Variants in MPG observed in about 807,000 individuals in gnomAD.
The protein encoded by MPG is DNA-3-methyladenine glycosylase.
A neutral mutation model predicts 31.7 loss-of-function variants in MPG; 33 were observed. That is an observed-to-expected ratio of 1.04 (90% CI 0.79 to 1.39). MPG has a LOEUF of 1.39. Ranked by LOEUF, MPG falls within the 40% of genes most tolerant of loss-of-function variation. The pLI is 0.00. For missense variants in MPG, 455 were observed against 415.5 expected, an observed-to-expected ratio of 1.10 and a Z score of -0.83; for synonymous variants, 202 against 169.2, an observed-to-expected ratio of 1.19 and a Z score of -1.51.
upstream of MPG, chr16:78,166 G>A: frequency 1.6e-6 from 1 of 639,678 alleles, no homozygotes; most frequent in African/African-American, 1.9e-5. Context: ...AGTTCCCGGC[G>A]CTCACTGCCC....
Position 79,576 on chromosome 16 carries a change from C to T in MPG, c.176C>T (p.Pro59Leu), listed in dbSNP as rs2308315. Residue 59 changes from proline to leucine, a missense_variant, in exon 2 of 4, where the codon CCG becomes CTG. Pro to Leu is a moderately conservative substitution (Grantham distance 98, BLOSUM62 -3). Coordinates refer to ENST00000356432, the MANE Select transcript of MPG (RefSeq NM_001015052.3). ...TGCCCCAGGGAGCGCTGCTTGGGAC[C>T]GCCCACCACTCCGGGCCCATACCGC... is the stretch of plus-strand genomic sequence containing the variant. Reference protein sequence around the residue: ...APCPRERCLGPPTTPGPYRSI... With the variant: ...APCPRERCLGLPTTPGPYRSI... The T allele has an allele frequency of 1.1e-5, 17 of 1,611,576 alleles. No individual in the cohort carries two copies. The highest frequency in any genetic ancestry group is 9.3e-5 in the African/African-American group (7 of 74,902).
At chr16:82,454 C>T (rs1037546767) in intron 2 of MPG, among the ~76,000 whole-genome samples, 13 of 152,226 alleles carry the variant, frequency 8.5e-5, no homozygotes, top group Admixed American at 2.6e-4. Flanking sequence ...AGCAGTGACA[C>T]AACTGTTGGC....
rs754788806 is a variant in MPG at position 79,535 on chromosome 16, T to C, written c.135T>C (p.Asp45=). ...CAGAGCAGCCACACAGCTCGTCCGA[T>C]GCAGCCCAGGCACCTTGCCCCAGGG... The part of the protein sequence containing the change: ...APAEQPHSSS[D]AAQAPCPRER... The change falls in exon 2 of 4, where the codon GAT becomes GAC. Residue 45 remains aspartate (D), a synonymous_variant. Coordinates refer to ENST00000356432, the MANE Select transcript of MPG (RefSeq NM_001015052.3). The C allele has an allele frequency of 2.5e-6, 4 of 1,612,768 alleles. No homozygotes were observed. The highest frequency in any genetic ancestry group is 1.3e-5 in the African/African-American group (1 of 74,900).
In MPG at chr16:79,706, G is replaced by A; in HGVS notation, c.300+6G>A. The A allele has an allele frequency of 6.4e-7, 1 of 1,553,126 alleles. No homozygotes were observed. The highest frequency in any genetic ancestry group is 1.9e-5 in the Admixed American group (1 of 51,876). On this transcript the variant is annotated splice_donor_region_variant and intron_variant, in intron 2 of 3. Coordinates refer to ENST00000356432, the MANE Select transcript of MPG (RefSeq NM_001015052.3). ...CCCGGGCATTTCTGGGACAGGTAAT[G>A]TGAACATAGCAGCGAGGGCCCTCCT...
At position 81,975 on chromosome 16, in the gene MPG, A is replaced by G. The variant is rs12935411; in HGVS notation, c.301-1077A>G. Among the ~76,000 whole-genome samples the G allele has an allele frequency of 6.0e-3, 592 of 98,178 alleles. 1 individual carries two copies. Among genetic ancestry groups the G allele is most frequent in the Middle Eastern group, 0.012 (2 of 168 alleles). 64.4% of individuals were successfully genotyped at this position (98,178 alleles called of 152,430 possible). A position where few individuals can be genotyped will look rare whatever the true frequency, so the allele number is the denominator to read the frequency against. ...GCCCTCCTGAATGCTCCCCGCGCTG[A>G]CCCCTTCTTCCCACCACCCTATCTC... On this transcript the variant is annotated intron_variant, in intron 2 of 3. Transcript: ENST00000356432.
chr16:79,646 G>A lies in MPG; in HGVS notation c.246G>A (p.Gly82=), dbSNP rs1219441591. 2 of 1,577,702 alleles carry A rather than the reference G, an allele frequency of 1.3e-6. No individual in the cohort carries two copies. The highest frequency in any genetic ancestry group is 3.3e-4 in the Middle Eastern group (2 of 6,026). The change falls in exon 2 of 4, where the codon GGG becomes GGA. Residue 82 remains glycine, a synonymous_variant. Coordinates refer to ENST00000356432, the MANE Select transcript of MPG (RefSeq NM_001015052.3). ...CAAAGGGCCACCTTACCCGACTGGGGTTGGAGTTCTTCGACCAGCCGGCAG... is the reference window on the plus strand; with the variant it reads ...CAAAGGGCCACCTTACCCGACTGGGATTGGAGTTCTTCGACCAGCCGGCAG... The part of the protein sequence containing the change: ...SSPKGHLTRL[G]LEFFDQPAVP...
At position 79,310 on chromosome 16, in the gene MPG, G is replaced by A. The variant is rs774545055; in HGVS notation, c.25-115G>A. ...CCCACAGGATGGTCACCCCCGCTTT[G>A]CAGATGAAGAAACCAAAGCAGGTGG... On this transcript the variant is annotated intron_variant, in intron 1 of 3. Coordinates refer to ENST00000356432, the MANE Select transcript of MPG (RefSeq NM_001015052.3). 92 of 1,606,032 alleles carry A rather than the reference G, an allele frequency of 5.7e-5. No homozygotes were observed. In the South Asian group the frequency reaches 9.1e-4, roughly 16 times the overall value.
intron 2 of MPG, among the ~76,000 whole-genome samples, chr16:80,402 T>C (rs1053675924): frequency 1.3e-5 from 2 of 152,118 alleles, no homozygotes; most frequent in Admixed American, 6.6e-5. Context: ...AGAAGAGAAA[T>C]ACCAGTGCCA....
At chr16:78,096 G>A (rs1320644675), upstream of MPG, 5 of 333,654 alleles carry the variant, frequency 1.5e-5, no homozygotes, top group South Asian at 4.2e-4. Context: ...CGGACCTGGC[G>A]GTGGGCGCTG....
At chr16:83,489 C>G (rs1898314882) in intron 3 of MPG, 1 of 499,530 alleles carries the variant, frequency 2.0e-6, no homozygotes, top group Non-Finnish European at 3.6e-6. Context: ...GCCTGTCATC[C>G]CAGCACTTCG....
At chr16:80,345 T>G (rs1898206332) in intron 2 of MPG, among the ~76,000 whole-genome samples, 1 of 152,210 alleles carries the variant, frequency 6.6e-6, no homozygotes. Flanking sequence ...GCCTTCCCTT[T>G]GTCCTTTAAT....
upstream of MPG, among the ~76,000 whole-genome samples, chr16:77,733 G>A (rs1035670605): frequency 3.9e-5 from 6 of 152,176 alleles, no homozygotes; most frequent in Non-Finnish European, 1.5e-5. Flanking sequence ...TCCACTTCCT[G>A]GATAAGGACT....
intron 1 of MPG, 40 bp from the exon 2 acceptor site, chr16:79,385 C>T (rs896992157): frequency 6.2e-7 from 1 of 1,613,884 alleles, no homozygotes; most frequent in Admixed American, 1.7e-5. Context: ...ACACAGCTGT[C>T]TCCTATTCGG....
chr16:79,390 A>T, intron 1 of MPG, 35 bp from the exon 2 acceptor site: 1 of 1,613,798 alleles, frequency 6.2e-7, no homozygotes, highest in Non-Finnish European at 8.5e-7. Context: ...GCTGTCTCCT[A>T]TTCGGATGCT....
At chr16:78,162 C>T (rs1176551594), upstream of MPG, 3 of 610,656 alleles carry the variant, frequency 4.9e-6, no homozygotes, top group East Asian at 4.5e-5. Flanking sequence ...AGCCAGTTCC[C>T]GGCGCTCACT....
intron 2 of MPG, among the ~76,000 whole-genome samples, chr16:80,619 A>G (rs1047203468): frequency 4.6e-5 from 7 of 151,886 alleles, no homozygotes; most frequent in Admixed American, 4.6e-4. Flanking sequence ...GACCAGCCTG[A>G]CCAACATGGT....
At position 81,602 on chromosome 16, in the gene MPG, C is replaced by CGGG. The variant is rs1898238403; in HGVS notation, c.301-1450_301-1449insGGG. Among the ~76,000 whole-genome samples the CGGG allele has an allele frequency of 4.0e-5, 6 of 148,724 alleles. 1 individual carries two copies. Among genetic ancestry groups the CGGG allele is most frequent in the African/African-American group, 1.6e-4 (6 of 38,532 alleles). On this transcript the variant is annotated intron_variant, in intron 2 of 3. Transcript: ENST00000356432. ...CCCCTTCTTCCCACCACCCTATCTCCAGGAAGGCCTCCTGAATGCTCCCCA... is the reference window on the plus strand; with the variant it reads ...CCCCTTCTTCCCACCACCCTATCTCCGGGAGGAAGGCCTCCTGAATGCTCCCCA...
At chr16:78,997 G>A in intron 1 of MPG, 1 of 1,374,260 alleles carries the variant, frequency 7.3e-7, no homozygotes, top group Admixed American at 3.1e-5. Context: ...AAGATCCTGT[G>A]TTTTGAATTC....
rs1596489571 is a variant in MPG, at chr16:85,345, G to C, written c.506-56G>C. On this transcript the variant is annotated intron_variant, in intron 3 of 3. Transcript: ENST00000356432. ...GCACAGGATGTCTGGATGTGTACTA[G>C]GGCAGAGAGGACAGGAGCCTAGGGA... 4.6e-6 allele frequency: 7 copies of C among 1,530,692 alleles called. No individual in the cohort carries two copies. In the East Asian group the frequency reaches 1.4e-4, roughly 30 times the overall value. The allele number at this position is 1,530,692 out of a possible 1,614,324, so 94.8% of individuals were successfully genotyped here.
Sources: allele counts gnomAD v4.1 joint callset (sites outside exome capture counted in the v4.1 genomes callset), GRCh38; gene constraint gnomAD v4.1.1; transcripts MANE v1.5; gene names NCBI Gene and HGNC (gene_info 2026-07-23, HGNC 2026-07-21).